Variants in KPNA5 observed in about 807,000 individuals in gnomAD.
KPNA5 encodes the protein karyopherin subunit alpha 5.
KPNA5 carries 46 observed loss-of-function variants against 71.3 expected under a neutral mutation model. The observed-to-expected ratio is 0.65, with a 90% confidence interval of 0.51 to 0.83. The LOEUF (loss-of-function observed/expected upper bound fraction) is 0.83. Among genes scored for constraint, KPNA5 ranks in the 40% least tolerant of loss-of-function variants. The pLI, the probability that KPNA5 is intolerant of heterozygous loss-of-function variation, is 0.00. For missense variants in KPNA5, 547 were observed against 628.3 expected, an observed-to-expected ratio of 0.87 and a Z score of 1.38; for synonymous variants, 207 against 201.4, an observed-to-expected ratio of 1.03 and a Z score of -0.24.
rs192935885 is a variant in KPNA5, at chr6:116,732,269, A to G, written c.1566A>G (p.Gln522=). The part of the protein sequence containing the change: ...PSIVPQVDEN[Q]QQFIFQQQEA... ...TTGTACCTCAGGTGGATGAAAACCA[A>G]CAACAGTTTATATTTCAGCAGCAGG... Residue 522 remains glutamine (Q), a synonymous_variant, in exon 14 of 14, where the codon CAA becomes CAG. Transcript: ENST00000368564. The G allele has an allele frequency of 5.3e-4, 824 of 1,554,726 alleles. 8 individuals carry two copies. The Middle Eastern group carries it at 6.6e-3, about 12-fold the overall frequency.
At chr6:116,692,712 T>A (rs895365300) in intron 4 of KPNA5, among the ~76,000 whole-genome samples, 5 of 152,164 alleles carry the variant, frequency 3.3e-5, no homozygotes, top group African/African-American at 1.2e-4. Context: ...CATGATTTTT[T>A]ATTTTTATTT....
At chr6:116,708,878 C>G (rs1014093845) in intron 7 of KPNA5, among the ~76,000 whole-genome samples, 1 of 152,088 alleles carries the variant, frequency 6.6e-6, no homozygotes, top group African/African-American at 2.4e-5. Context: ...CTGTGCCTCC[C>G]AGGTTCAAGC....
Position 116,722,158 on chromosome 6 carries a change from G to A in KPNA5, c.789G>A (p.Leu263=), listed in dbSNP as rs768262217. Residue 263 remains leucine (L), a synonymous_variant, in exon 9 of 14, where the codon CTG becomes CTA. Coordinates refer to ENST00000368564, the MANE Select transcript of KPNA5 (RefSeq NM_001366306.2). The stretch of plus-strand genomic sequence containing the variant: ...CTTGCTTAAATGTCCTGTCACGACT[G>A]TTGTTTAGCAGTGACCCAGATGTGT... ...VSPCLNVLSR[L]LFSSDPDVLA... 1 of 1,603,380 alleles carries A rather than the reference G, an allele frequency of 6.2e-7. No homozygotes were observed. Among genetic ancestry groups the A allele is most frequent in the East Asian group, 2.2e-5 (1 of 44,640 alleles).
At position 116,724,346 on chromosome 6, in the gene KPNA5, A is replaced by T. The variant is rs1298877331; in HGVS notation, c.970A>T (p.Ile324Phe). The T allele has an allele frequency of 6.2e-7, 1 of 1,611,466 alleles. No individual in the cohort carries two copies. The highest frequency in any genetic ancestry group is 1.3e-5 in the African/African-American group (1 of 74,998). ...VSPALRAVGN[I>F]VTGDDIQTQV... ...ACCTGCATTAAGGGCAGTTGGTAAT[A>T]TTGTGACTGGTGATGATATTCAAAC... The change falls in exon 10 of 14, where the codon ATT becomes TTT. Residue 324 changes from isoleucine to phenylalanine, a missense_variant. By Grantham distance (21) the Ile-to-Phe change is conservative (BLOSUM62 0). Coordinates refer to ENST00000368564, the MANE Select transcript of KPNA5 (RefSeq NM_001366306.2).
chr6:116,707,680 T>C (rs1196531913), intron 7 of KPNA5, among the ~76,000 whole-genome samples: 1 of 152,250 alleles, frequency 6.6e-6, no homozygotes, highest in East Asian at 1.9e-4. Flanking sequence ...AGTATAACTA[T>C]TTTATTTCTA....
At chr6:116,721,166 C>G (rs949766840) in intron 8 of KPNA5, among the ~76,000 whole-genome samples, 1 of 151,510 alleles carries the variant, frequency 6.6e-6, no homozygotes, top group Non-Finnish European at 1.5e-5. Flanking sequence ...ACAGGCCCAG[C>G]AGAGATGGTA....
chr6:116,717,763 C>G (rs1194414659), intron 8 of KPNA5, among the ~76,000 whole-genome samples: 2 of 152,148 alleles, frequency 1.3e-5, no homozygotes, highest in Non-Finnish European at 2.9e-5. Context: ...TGATTCTTCC[C>G]TTAAGGGTGC....
chr6:116,710,871 T>TCA (rs1221307889), intron 7 of KPNA5, among the ~76,000 whole-genome samples: 3 of 103,830 alleles, frequency 2.9e-5, no homozygotes, highest in African/African-American at 4.2e-5. Flanking sequence ...AGTAATATTA[T>TCA]TTTATATATA....
chr6:116,701,943 C>G, intron 5 of KPNA5, 76 bp from the exon 6 acceptor site: 13 of 1,358,228 alleles, frequency 9.6e-6, no homozygotes, highest in African/African-American at 1.5e-5. Flanking sequence ...CAGGTCTTTA[C>G]TCCCTCTCTT....
At chr6:116,691,513 A>T (rs113143401) in intron 2 of KPNA5, among the ~76,000 whole-genome samples, 68 of 152,192 alleles carry the variant, frequency 4.5e-4, no homozygotes, top group African/African-American at 1.5e-3. Context: ...TGTACCTATA[A>T]ATCTCCTTTA....
chr6:116,709,542 A>T (rs953014787), intron 7 of KPNA5, among the ~76,000 whole-genome samples: 2 of 152,274 alleles, frequency 1.3e-5, no homozygotes, highest in East Asian at 1.9e-4. Context: ...TTTTAAAAAA[A>T]GATAGTTTCA....
chr6:116,739,794 A>G lies in KPNA5; in HGVS notation c.*7471A>G, dbSNP rs993240363. The G allele has an allele frequency of 3.3e-5, 5 of 151,678 alleles. No individual in the cohort carries two copies. Among genetic ancestry groups the G allele is most frequent in the African/African-American group, 1.2e-4 (5 of 41,220 alleles). 9.4% of individuals were successfully genotyped at this position (151,678 alleles called of 1,614,324 possible). The stretch of plus-strand genomic sequence containing the variant: ...GGTGCTGGGAAAACTGGCTAGCCAT[A>G]TGTAGAAAGCTGAAACTGTATCCCT... On this transcript the variant is annotated 3_prime_UTR_variant, in exon 14 of 14. Transcript: ENST00000368564.
chr6:116,702,256 T>G, intron 6 of KPNA5, 106 bp downstream of exon 6: 1 of 1,160,648 alleles, frequency 8.6e-7, no homozygotes, highest in Non-Finnish European at 1.2e-6. Flanking sequence ...AATTGCTGTA[T>G]ATTGCATTAA....
At chr6:116,710,871 T>TATATA (rs1221307889) in intron 7 of KPNA5, among the ~76,000 whole-genome samples, 1 of 103,830 alleles carries the variant, frequency 9.6e-6, no homozygotes, top group South Asian at 3.5e-4. Context: ...AGTAATATTA[T>TATATA]TTTATATATA....
Position 116,726,637 on chromosome 6 carries a change from T to G in KPNA5, c.1253+15T>G. On this transcript the variant is annotated intron_variant, in intron 12 of 13. Transcript: ENST00000368564. ...GAGCAAATAAGGTATGATATAAACTTCTTAATTGTTTTTTACATGTAAATG... is the reference window on the plus strand; with the variant it reads ...GAGCAAATAAGGTATGATATAAACTGCTTAATTGTTTTTTACATGTAAATG... 6.5e-7 allele frequency: 1 copy of G among 1,540,662 alleles called. No individual in the cohort carries two copies. The highest frequency in any genetic ancestry group is 8.7e-7 in the Non-Finnish European group (1 of 1,150,676).
At position 116,734,434 on chromosome 6, in the gene KPNA5, C is replaced by CA. The variant is rs1382502450; in HGVS notation, c.*2114dup. ...GGAAACTTAAATTTTGCCGGTAAAA[C>CA]AAACATATCTCTACAGACTGTGATT... On this transcript the variant is annotated 3_prime_UTR_variant, in exon 14 of 14. Coordinates refer to ENST00000368564, the MANE Select transcript of KPNA5 (RefSeq NM_001366306.2). The CA allele has an allele frequency of 3.3e-5, 5 of 151,792 alleles. No homozygotes were observed. In the East Asian group the frequency reaches 9.6e-4, roughly 29 times the overall value. 9.4% of individuals were successfully genotyped at this position (151,792 alleles called of 1,614,324 possible).
intron 8 of KPNA5, among the ~76,000 whole-genome samples, chr6:116,719,261 TTTTTG>T (rs946880539): frequency 6.6e-6 from 1 of 152,206 alleles, no homozygotes; most frequent in African/African-American, 2.4e-5. Context: ...CTTTGTGCTT[TTTTTG>T]TTTTGTTTGT....
chr6:116,710,013 C>T (rs543938281), intron 7 of KPNA5, among the ~76,000 whole-genome samples: 1 of 152,288 alleles, frequency 6.6e-6, no homozygotes, highest in African/African-American at 2.4e-5. Flanking sequence ...CCCGCCTCGA[C>T]CTCCCAAGGT....
intron 7 of KPNA5, among the ~76,000 whole-genome samples, chr6:116,710,104 C>G (rs1223094713): frequency 6.6e-6 from 1 of 152,068 alleles, no homozygotes; most frequent in African/African-American, 2.4e-5. Flanking sequence ...CTTTTAAATA[C>G]TTTTTGCATC....
Sources: gnomAD v4.1 joint callset for allele counts (sites outside exome capture counted in the v4.1 genomes callset) on GRCh38, gnomAD v4.1.1 for gene constraint, MANE v1.5 for transcripts, NCBI Gene and HGNC (gene_info 2026-07-23, HGNC 2026-07-21) for gene names.